ROCK2: variants seen among roughly 807,000 people sequenced by gnomAD.
The protein encoded by ROCK2 is rho-associated protein kinase 2.
ROCK2 carries 61 observed loss-of-function variants against 195.1 expected under a neutral mutation model. That is an observed-to-expected ratio of 0.31 (90% CI 0.25 to 0.39). The LOEUF is 0.39. Ranked by LOEUF, ROCK2 falls within the 10% of genes least tolerant of loss-of-function variation. The pLI is 1.00. For missense variants in ROCK2, 1,109 were observed against 1,637.4 expected, an observed-to-expected ratio of 0.68 and a Z score of 5.57; for synonymous variants, 504 against 545.5, an observed-to-expected ratio of 0.92 and a Z score of 1.06.
At chr2:11,208,259 A>C in intron 19 of ROCK2, 28 bp downstream of exon 19, 1 of 1,249,058 alleles carries the variant, frequency 8.0e-7, no homozygotes, top group Non-Finnish European at 1.0e-6. Flanking sequence ...TTAGTTTATT[A>C]TTAATCATTA....
intron 20 of ROCK2, among the ~76,000 whole-genome samples, chr2:11,204,543 G>C (rs1463649570): frequency 1.3e-5 from 2 of 151,954 alleles, no homozygotes; most frequent in South Asian, 2.1e-4. Context: ...GTTCTTGCTG[G>C]AATTCTTATT....
chr2:11,183,487 T>A (rs760148396), intron 32 of ROCK2, 47 bp from the exon 33 acceptor site: 2 of 1,393,690 alleles, frequency 1.4e-6, no homozygotes, highest in African/African-American at 1.4e-5. Flanking sequence ...TGAAATAATT[T>A]AAGAGTGTTA....
Position 11,217,025 on chromosome 2 carries a change from CTTTT to C in ROCK2, c.1412+61_1412+64del, listed in dbSNP as rs796693163. The C allele has an allele frequency of 6.6e-5, 54 of 822,670 alleles. No individual in the cohort carries two copies. The African/African-American group carries it at 8.0e-4, about 12-fold the overall frequency. The allele number at this position is 822,670 out of a possible 1,614,324, so 51.0% of individuals were successfully genotyped here. ...GTGTGAGCCACCACACCTGGCCGCT[CTTTT>C]TTCAGTAAATGTTTAAACTTAAATT... On this transcript the variant is annotated intron_variant, in intron 12 of 32. Coordinates refer to ENST00000315872, the MANE Select transcript of ROCK2 (RefSeq NM_004850.5).
chr2:11,285,189 G>A (rs142626323), intron 3 of ROCK2, among the ~76,000 whole-genome samples: 1 of 151,700 alleles, frequency 6.6e-6, no homozygotes, highest in East Asian at 1.9e-4. Context: ...TTGAACCCGG[G>A]GGGTGGAGGT....
intron 1 of ROCK2, among the ~76,000 whole-genome samples, chr2:11,293,554 C>T (rs186342646): frequency 2.8e-4 from 42 of 152,314 alleles, no homozygotes; most frequent in African/African-American, 9.9e-4. Flanking sequence ...CATGGCTCAG[C>T]ATGGCAAGAT....
intron 3 of ROCK2, among the ~76,000 whole-genome samples, chr2:11,284,831 A>G (rs1187770390): frequency 1.3e-5 from 2 of 152,300 alleles, no homozygotes; most frequent in Middle Eastern, 3.4e-3. Flanking sequence ...TTTCACTTCT[A>G]TCTGGCCAAT....
intron 1 of ROCK2, among the ~76,000 whole-genome samples, chr2:11,309,164 C>T (rs1195729426): frequency 4.8e-5 from 7 of 144,704 alleles, no homozygotes; most frequent in Admixed American, 1.5e-4. Flanking sequence ...GCTTTTGAAA[C>T]ATGTTTTACT....
chr2:11,243,810 T>A lies in ROCK2; in HGVS notation c.462+5851A>T, dbSNP rs1665518264. Among the ~76,000 whole-genome samples the A allele has an allele frequency of 3.3e-5, 5 of 152,172 alleles. No homozygotes were observed. In the South Asian group the frequency reaches 1.0e-3, roughly 32 times the overall value. ...AAACAAAGAACATAGGTAAAAATTT[T>A]AAAAATCTAAATAAAGACTTCAGTT... On this transcript the variant is annotated intron_variant, in intron 4 of 32. Transcript: ENST00000315872.
At chr2:11,203,248 G>C (rs1164017935) in intron 20 of ROCK2, among the ~76,000 whole-genome samples, 1 of 152,074 alleles carries the variant, frequency 6.6e-6, no homozygotes, top group African/African-American at 2.4e-5. Context: ...CCAAAACTAA[G>C]GAGGAATAAA....
At chr2:11,184,320 A>G (rs1451749714) in intron 32 of ROCK2, among the ~76,000 whole-genome samples, 1 of 152,224 alleles carries the variant, frequency 6.6e-6, no homozygotes, top group African/African-American at 2.4e-5. Flanking sequence ...AAACTAATAT[A>G]GCTGTAGGAA....
intron 4 of ROCK2, among the ~76,000 whole-genome samples, chr2:11,238,209 A>ACTGTGTGTGTGTGT (rs1553303928): frequency 7.4e-6 from 1 of 135,266 alleles, no homozygotes; most frequent in South Asian, 2.4e-4. Flanking sequence ...ATTGAGAAAG[A>ACTGTGTGTGTGTGT]GTGTGTGTGT....
At chr2:11,214,706 T>C in intron 16 of ROCK2, 134 bp downstream of exon 16, 1 of 865,604 alleles carries the variant, frequency 1.2e-6, no homozygotes. Context: ...TTTGTATCAG[T>C]GTATTTCTAA....
At chr2:11,186,751 A>G (rs1663214759) in intron 32 of ROCK2, among the ~76,000 whole-genome samples, 2 of 152,160 alleles carry the variant, frequency 1.3e-5, no homozygotes, top group South Asian at 2.1e-4. Context: ...TTACAAATAC[A>G]TAAGTAATTC....
intron 20 of ROCK2, 134 bp downstream of exon 20, chr2:11,207,592 C>T: frequency 1.7e-6 from 1 of 592,132 alleles, no homozygotes; most frequent in Admixed American, 3.4e-5. Flanking sequence ...ACACTCAACA[C>T]ATTACCTGTA....
intron 17 of ROCK2, among the ~76,000 whole-genome samples, chr2:11,213,831 T>C (rs1664333407): frequency 6.6e-6 from 1 of 152,114 alleles, no homozygotes; most frequent in Non-Finnish European, 1.5e-5. Context: ...TGTGCTTTAT[T>C]ATTACTTTTA....
intron 18 of ROCK2, among the ~76,000 whole-genome samples, chr2:11,210,848 TATC>T (rs1664224482): frequency 6.6e-6 from 1 of 152,252 alleles, no homozygotes; most frequent in South Asian, 2.1e-4. Flanking sequence ...TTTCATTTCT[TATC>T]ATCCTGATTT....
intron 3 of ROCK2, among the ~76,000 whole-genome samples, chr2:11,272,869 C>CAAAAAAAAAAAAAAAAAA: frequency 1.0e-5 from 1 of 99,252 alleles, no homozygotes; most frequent in Non-Finnish European, 1.9e-5. Flanking sequence ...GACTCTGTCT[C>CAAAAAAAAAAAAAAAAAA]AAAAAAAAAA....
At chr2:11,226,776 G>A (rs1664824596) in intron 6 of ROCK2, among the ~76,000 whole-genome samples, 1 of 151,818 alleles carries the variant, frequency 6.6e-6, no homozygotes, top group Non-Finnish European at 1.5e-5. Flanking sequence ...GCCGGGTTTA[G>A]TGGCATGTGC....
intron 1 of ROCK2, among the ~76,000 whole-genome samples, chr2:11,317,612 A>ATTTTTTTT (rs1553317464): frequency 3.1e-4 from 6 of 19,310 alleles, no homozygotes; most frequent in African/African-American, 8.0e-4. Flanking sequence ...ATATATATAT[A>ATTTTTTTT]TTTTTTTTTT....
Sources: gnomAD v4.1 joint callset for allele counts (sites outside exome capture counted in the v4.1 genomes callset) on GRCh38, gnomAD v4.1.1 for gene constraint, MANE v1.5 for transcripts, NCBI Gene and HGNC (gene_info 2026-07-23, HGNC 2026-07-21) for gene names.